CNOT2: variants seen among roughly 807,000 people sequenced by gnomAD.
The protein encoded by CNOT2 is CCR4-NOT transcription complex subunit 2.
In CNOT2, 7 loss-of-function variants were observed where a neutral mutation model predicts 72.1. That is an observed-to-expected ratio of 0.10 (90% CI 0.06 to 0.18). CNOT2 has a LOEUF of 0.18. Ranked by LOEUF, CNOT2 falls within the 10% of genes least tolerant of loss-of-function variation. The pLI is 1.00. For missense variants in CNOT2, 345 were observed against 660.3 expected, an observed-to-expected ratio of 0.52 and a Z score of 5.23; for synonymous variants, 196 against 225.6, an observed-to-expected ratio of 0.87 and a Z score of 1.17.
At chr12:70,256,165 A>G (rs1958427940) in intron 1 of CNOT2, among the ~76,000 whole-genome samples, 1 of 152,214 alleles carries the variant, frequency 6.6e-6, no homozygotes, top group Non-Finnish European at 1.5e-5. Context: ...TTCTAATTGT[A>G]TATTCCAGCC....
intron 1 of CNOT2, among the ~76,000 whole-genome samples, chr12:70,252,359 G>T (rs1193632442): frequency 1.3e-5 from 2 of 151,904 alleles, no homozygotes; most frequent in Admixed American, 6.6e-5. Flanking sequence ...GCAAATTTTT[G>T]TATCTTTTGT....
chr12:70,312,992 AC>A (rs1218068032), intron 3 of CNOT2, among the ~76,000 whole-genome samples: 1 of 152,018 alleles, frequency 6.6e-6, no homozygotes, highest in Non-Finnish European at 1.5e-5. Context: ...TCTAGGTCAT[AC>A]AGACATATTT....
chr12:70,330,482 T>C lies in CNOT2; in HGVS notation c.569+13T>C, dbSNP rs774709637. On this transcript the variant is annotated intron_variant, in intron 6 of 15. Transcript: ENST00000229195. ...TTACTGTGAACAGGTAAGATGTTTA[T>C]TGATACTGTGTATAATTGTCTTTCT... is the stretch of plus-strand genomic sequence containing the variant. The C allele has an allele frequency of 2.5e-6, 4 of 1,593,282 alleles. No homozygotes were observed. The South Asian group carries it at 4.5e-5, about 18-fold the overall frequency.
chr12:70,303,833 C>T, intron 2 of CNOT2, among the ~76,000 whole-genome samples: 1 of 152,196 alleles, frequency 6.6e-6, no homozygotes, highest in Non-Finnish European at 1.5e-5. Flanking sequence ...GTTCCATTCT[C>T]CCCGTCACTT....
chr12:70,346,034 AC>A, intron 14 of CNOT2, 145 bp from the exon 15 acceptor site: 1 of 565,350 alleles, frequency 1.8e-6, no homozygotes, highest in Non-Finnish European at 3.1e-6. Flanking sequence ...GTATTTAATA[AC>A]TTATAATAAA....
chr12:70,331,320 A>G (rs1879905545), intron 6 of CNOT2: 1 of 151,888 alleles, frequency 6.6e-6, no homozygotes, highest in Non-Finnish European at 1.5e-5. Flanking sequence ...TTTTGCTTTT[A>G]TTTAGATATC....
intron 1 of CNOT2, among the ~76,000 whole-genome samples, chr12:70,257,803 A>G (rs2135724921): frequency 6.6e-6 from 1 of 152,318 alleles, no homozygotes; most frequent in Admixed American, 6.5e-5. Flanking sequence ...ATTAATGTAT[A>G]TTGAAAACTC....
intron 2 of CNOT2, among the ~76,000 whole-genome samples, chr12:70,302,918 T>C (rs1236071386): frequency 6.6e-6 from 1 of 152,236 alleles, no homozygotes; most frequent in Admixed American, 6.5e-5. Flanking sequence ...GGTGTATATA[T>C]ATTTAGGATA....
At chr12:70,246,557 G>T (rs1322187956) in intron 1 of CNOT2, among the ~76,000 whole-genome samples, 1 of 152,124 alleles carries the variant, frequency 6.6e-6, no homozygotes, top group Non-Finnish European at 1.5e-5. Context: ...TGATGATACA[G>T]GTGACTGTTC....
rs1452251491 is a variant in CNOT2 at position 70,313,750 on chromosome 12, T to A, written c.171+2733T>A. ...ATAACCATCTGTAATGTAAAAACTT[T>A]CTTAGTTCATGTATCTTACAAAAAC... On this transcript the variant is annotated intron_variant, in intron 3 of 15. Coordinates refer to ENST00000229195, the MANE Select transcript of CNOT2 (RefSeq NM_014515.7). 2.0e-5 allele frequency among the ~76,000 whole-genome samples: 3 copies of A among 152,250 alleles called. No homozygotes were observed. In the South Asian group the frequency reaches 6.2e-4, roughly 32 times the overall value.
chr12:70,248,486 G>A (rs988679899), intron 1 of CNOT2, among the ~76,000 whole-genome samples: 3 of 152,106 alleles, frequency 2.0e-5, no homozygotes, highest in Admixed American at 1.3e-4. Context: ...AAATGTTCAC[G>A]TGTTTGACTG....
intron 2 of CNOT2, among the ~76,000 whole-genome samples, chr12:70,282,276 G>A (rs551727259): frequency 1.3e-5 from 2 of 152,248 alleles, no homozygotes; most frequent in South Asian, 2.1e-4. Flanking sequence ...CACATCATAT[G>A]CTAGCTAATT....
chr12:70,350,151 A>G (rs1438045479), intron 15 of CNOT2, among the ~76,000 whole-genome samples: 1 of 152,182 alleles, frequency 6.6e-6, no homozygotes, highest in Non-Finnish European at 1.5e-5. Flanking sequence ...CAGATAGTAT[A>G]TATAATCTTC....
chr12:70,259,651 G>A (rs1958649030), intron 1 of CNOT2, among the ~76,000 whole-genome samples: 1 of 152,090 alleles, frequency 6.6e-6, no homozygotes, highest in Admixed American at 6.6e-5. Flanking sequence ...ATAATTTCAT[G>A]ACTTATTTAT....
At chr12:70,351,043 G>T (rs959258581) in intron 15 of CNOT2, among the ~76,000 whole-genome samples, 1 of 152,110 alleles carries the variant, frequency 6.6e-6, no homozygotes, top group Non-Finnish European at 1.5e-5. Context: ...AAGAACTAAG[G>T]TATGAAAAAG....
At chr12:70,310,660 A>C (rs1408268647) in intron 2 of CNOT2, among the ~76,000 whole-genome samples, 2 of 152,206 alleles carry the variant, frequency 1.3e-5, no homozygotes, top group South Asian at 4.1e-4. Context: ...AGGAAATGGA[A>C]TTGTTAAGAT....
chr12:70,295,625 A>C (rs1363542907), intron 2 of CNOT2, among the ~76,000 whole-genome samples: 1 of 152,138 alleles, frequency 6.6e-6, no homozygotes, highest in East Asian at 1.9e-4. Context: ...ATAGTTTTAC[A>C]TCCTAATATT....
At chr12:70,289,429 A>AT (rs576023927) in intron 2 of CNOT2, among the ~76,000 whole-genome samples, 12 of 151,816 alleles carry the variant, frequency 7.9e-5, no homozygotes, top group African/African-American at 2.4e-4. Flanking sequence ...TGTCGGTATA[A>AT]TTTTTTTTAT....
In CNOT2 at chr12:70,303,793, A is replaced by T. The variant is rs976601114; in HGVS notation, c.49-7102A>T. On this transcript the variant is annotated intron_variant, in intron 2 of 15. Coordinates refer to ENST00000229195, the MANE Select transcript of CNOT2 (RefSeq NM_014515.7). ...TGCCAGACTGGGGAAGTTCTCCTGG[A>T]TAATATCCTCCAGAGTGTTTTCCAA... 2.6e-5 allele frequency among the ~76,000 whole-genome samples: 4 copies of T among 152,154 alleles called. 1 individual carries two copies. The highest frequency in any genetic ancestry group is 2.0e-4 in the Admixed American group (3 of 15,274).
Sources: gnomAD v4.1 joint callset for allele counts (sites outside exome capture counted in the v4.1 genomes callset) on GRCh38, gnomAD v4.1.1 for gene constraint, MANE v1.5 for transcripts, NCBI Gene and HGNC (gene_info 2026-07-23, HGNC 2026-07-21) for gene names.